Variants in PGR observed in about 807,000 individuals in gnomAD.
The protein encoded by PGR is progesterone receptor.
Under a neutral mutation model 76.1 loss-of-function variants are expected in PGR, and 25 were observed. The observed-to-expected ratio is 0.33, with a 90% CI of 0.24 to 0.46. The LOEUF is 0.46. Ranked by LOEUF, PGR falls within the 20% of genes least tolerant of loss-of-function variation. The probability of loss-of-function intolerance (pLI) is 1.00; values close to 1 mark genes in which losing one functional copy is unlikely to be tolerated. For missense variants in PGR, 1,172 were observed against 1,225.3 expected (o/e 0.96, Z 0.65); for synonymous variants, 579 against 535.0 (o/e 1.08, Z -1.14).
intron 3 of PGR, among the ~76,000 whole-genome samples, chr11:101,080,119 G>A (rs1861254317): frequency 6.6e-6 from 1 of 152,192 alleles, no homozygotes; most frequent in Non-Finnish European, 1.5e-5. Context: ...GCCCTTTGTG[G>A]TTCCCTTCTC....
At chr11:101,074,278 C>G (rs913036306) in intron 3 of PGR, among the ~76,000 whole-genome samples, 9 of 152,124 alleles carry the variant, frequency 5.9e-5, no homozygotes, top group African/African-American at 2.2e-4. Context: ...ATTCAACACC[C>G]CTTCATGCTA....
chr11:101,055,240 C>T (rs1025396489), intron 4 of PGR, among the ~76,000 whole-genome samples: 7 of 151,680 alleles, frequency 4.6e-5, no homozygotes, highest in African/African-American at 1.7e-4. Flanking sequence ...TGGTAAAACC[C>T]TGTCTCTACT....
rs371015252 is a variant in PGR at position 101,098,575 on chromosome 11, G to C, written c.1790-6699C>G. On this transcript the variant is annotated intron_variant, in intron 2 of 7. Transcript: ENST00000325455. ...AAGCATGTTGCTTAATTTCAGTCTGGAAAAAAAGGTAGGTAAATCTCTATA... is the reference window on the plus strand; with the variant it reads ...AAGCATGTTGCTTAATTTCAGTCTGCAAAAAAAGGTAGGTAAATCTCTATA... 4.0e-5 allele frequency among the ~76,000 whole-genome samples: 6 copies of C among 151,876 alleles called. No homozygotes were observed. The South Asian group carries it at 6.2e-4, about 16-fold the overall frequency.
intron 3 of PGR, among the ~76,000 whole-genome samples, chr11:101,074,198 T>C (rs1861041241): frequency 6.6e-6 from 1 of 151,972 alleles, no homozygotes; most frequent in African/African-American, 2.4e-5. Context: ...ACGTAATCCA[T>C]CACATAAACA....
intron 3 of PGR, among the ~76,000 whole-genome samples, chr11:101,076,475 GAAAT>G (rs1232596642): frequency 5.9e-5 from 9 of 151,684 alleles, no homozygotes; most frequent in East Asian, 1.9e-4. Flanking sequence ...TAAAAAATTT[GAAAT>G]AAATAAATAT....
intron 2 of PGR, among the ~76,000 whole-genome samples, chr11:101,118,049 T>A (rs1257428005): frequency 6.6e-6 from 1 of 152,168 alleles, no homozygotes; most frequent in Non-Finnish European, 1.5e-5. Flanking sequence ...AAACACTAAA[T>A]TTGCAGTGTT....
chr11:101,060,289 T>A (rs1413540375), intron 4 of PGR, among the ~76,000 whole-genome samples: 1 of 152,198 alleles, frequency 6.6e-6, no homozygotes, highest in East Asian at 1.9e-4. Flanking sequence ...TCCACAGACT[T>A]ATTAGTTTTA....
At position 101,042,114 on chromosome 11, in the gene PGR, A is replaced by G. The variant is rs1390029614; in HGVS notation, c.2489-12T>C. The G allele has an allele frequency of 1.2e-6, 2 of 1,612,868 alleles. No individual in the cohort carries two copies. The highest frequency in any genetic ancestry group is 1.6e-4 in the Middle Eastern group (1 of 6,078). ...CCCTTCCAAAGGAACTGTTAAGAAG[A>G]CAATTAAAAGTGGCAGTTGTGTATA... is the stretch of plus-strand genomic sequence containing the variant. On this transcript the variant is annotated splice_polypyrimidine_tract_variant and intron_variant, in intron 6 of 7. Transcript: ENST00000325455.
intron 3 of PGR, among the ~76,000 whole-genome samples, chr11:101,084,551 C>T (rs513081): frequency 2.3e-4 from 35 of 151,496 alleles, no homozygotes; most frequent in East Asian, 3.9e-4. Context: ...CCAGCTACTC[C>T]GGAGGCTGAG....
intron 4 of PGR, among the ~76,000 whole-genome samples, chr11:101,059,503 T>C (rs1048442910): frequency 9.2e-5 from 14 of 152,150 alleles, no homozygotes; most frequent in African/African-American, 3.4e-4. Flanking sequence ...TTTATAAACG[T>C]GCTGACATAA....
At chr11:101,071,955 T>A (rs1860951538) in intron 3 of PGR, among the ~76,000 whole-genome samples, 1 of 151,952 alleles carries the variant, frequency 6.6e-6, no homozygotes. Flanking sequence ...AGGCCAACAT[T>A]CAAATTCAGG....
At chr11:101,067,656 A>G (rs1433784462) in intron 3 of PGR, among the ~76,000 whole-genome samples, 3 of 152,186 alleles carry the variant, frequency 2.0e-5, no homozygotes, top group Non-Finnish European at 4.4e-5. Flanking sequence ...CATGTAAAAT[A>G]ATGTTCACAA....
chr11:101,103,437 T>C (rs541979402), intron 2 of PGR, among the ~76,000 whole-genome samples: 2 of 152,208 alleles, frequency 1.3e-5, no homozygotes, highest in East Asian at 1.9e-4. Flanking sequence ...GGGCAGAGAA[T>C]AGCACCTCCT....
intron 2 of PGR, among the ~76,000 whole-genome samples, chr11:101,097,672 A>G (rs2135465225): frequency 6.6e-6 from 1 of 152,000 alleles, no homozygotes; most frequent in East Asian, 1.9e-4. Flanking sequence ...CCACCTTTTA[A>G]CTTTTTTTCT....
chr11:101,055,232 G>C (rs1860244936), intron 4 of PGR, among the ~76,000 whole-genome samples: 1 of 151,762 alleles, frequency 6.6e-6, no homozygotes, highest in East Asian at 1.9e-4. Context: ...GGCCAGCATG[G>C]TAAAACCCTG....
chr11:101,113,507 T>A (rs747190309), intron 2 of PGR, among the ~76,000 whole-genome samples: 1 of 151,996 alleles, frequency 6.6e-6, no homozygotes, highest in African/African-American at 2.4e-5. Flanking sequence ...CCTGACCTCG[T>A]GATCTGCCCA....
chr11:101,125,095 T>A (rs1215997610), intron 2 of PGR, among the ~76,000 whole-genome samples: 1 of 152,078 alleles, frequency 6.6e-6, no homozygotes, highest in African/African-American at 2.4e-5. Flanking sequence ...CTAGGTGTGA[T>A]CTCAGCACTC....
intron 3 of PGR, among the ~76,000 whole-genome samples, chr11:101,064,331 CAAAAAAAAAAAAAAAAAAAA>C (rs10556132): frequency 0.014 from 541 of 39,430 alleles, 2 homozygotes; most frequent in Middle Eastern, 0.059. Context: ...AACTCCACCT[CAAAAAAAAAAAAAAAAAAAA>C]AAAAAAAAAA....
Position 101,127,804 on chromosome 11 carries a change from G to T in PGR, c.1267C>A (p.Pro423Thr). ...GGGGTCGCTCGCGGCGGCAGCGGGGGCGGTGGCCCCAACGGGAAATCCGGG... is the reference window on the plus strand; with the variant it reads ...GGGGTCGCTCGCGGCGGCAGCGGGGTCGGTGGCCCCAACGGGAAATCCGGG... The part of the protein sequence containing the change: ...AFPDFPLGPP[P>T]PLPPRATPSR... The change falls in exon 1 of 8, where the codon CCC becomes ACC. Residue 423 changes from proline (P) to threonine (T), a missense_variant. By Grantham distance (38) the Pro-to-Thr change is conservative (BLOSUM62 -1). Transcript: ENST00000325455. 2 of 1,568,600 alleles carry T rather than the reference G, an allele frequency of 1.3e-6. No individual in the cohort carries two copies. The highest frequency in any genetic ancestry group is 1.7e-6 in the Non-Finnish European group (2 of 1,165,294).
Sources: allele counts gnomAD v4.1 joint callset (sites outside exome capture counted in the v4.1 genomes callset), GRCh38; gene constraint gnomAD v4.1.1; transcripts MANE v1.5; gene names NCBI Gene and HGNC (gene_info 2026-07-23, HGNC 2026-07-21).